SCAI: variants seen among roughly 807,000 people sequenced by gnomAD.
SCAI encodes the protein protein SCAI.
Under a neutral mutation model 92.2 loss-of-function variants are expected in SCAI, and 24 were observed. The observed-to-expected ratio is 0.26, with a 90% CI of 0.19 to 0.37. The LOEUF is 0.37. SCAI is among the 10% of genes least tolerant of loss of function. The pLI is 1.00. For missense variants in SCAI, 450 were observed against 736.2 expected, an observed-to-expected ratio of 0.61 and a Z score of 4.50; for synonymous variants, 261 against 258.6, an observed-to-expected ratio of 1.01 and a Z score of -0.09.
At position 125,015,063 on chromosome 9, in the gene SCAI, TA is replaced by T. The variant is rs574071279; in HGVS notation, c.861+3735del. 2.9e-3 allele frequency among the ~76,000 whole-genome samples: 449 copies of T among 152,236 alleles called. 3 individuals carry two copies. The highest frequency in any genetic ancestry group is 0.01 in the African/African-American group (423 of 41,526). ...GGATTAAAGACTTAAATGTTAGATC[TA>T]AAACCATAAAAACCCTAGAAGAAAA... On this transcript the variant is annotated intron_variant, in intron 9 of 17. Coordinates refer to ENST00000336505, the MANE Select transcript of SCAI (RefSeq NM_001144877.3).
intron 14 of SCAI, among the ~76,000 whole-genome samples, chr9:124,977,260 C>A (rs1044984900): frequency 2.6e-5 from 4 of 152,150 alleles, no homozygotes; most frequent in African/African-American, 4.8e-5. Context: ...AAAATAACCA[C>A]AGACTTTTTT....
At chr9:124,994,891 G>C (rs1239321223) in intron 14 of SCAI, 43 bp downstream of exon 14, 2 of 1,368,654 alleles carry the variant, frequency 1.5e-6, no homozygotes, top group Admixed American at 1.7e-5. Flanking sequence ...CCTTGGGTTG[G>C]TGCCACAATG....
Position 125,133,736 on chromosome 9 carries a change from C to CA in SCAI, c.98+8896dup, listed in dbSNP as rs199850055. 9.5e-3 allele frequency among the ~76,000 whole-genome samples: 1,423 copies of CA among 149,798 alleles called. 13 individuals are homozygous for CA. The highest frequency in any genetic ancestry group is 0.014 in the Middle Eastern group (4 of 294). Reference sequence around the variant, plus strand: ...CCAACTGTACCTCTACAGACCTGTTCAAAAAACAAAAAAAAAAGAAAGAAT... The same window carrying CA: ...CCAACTGTACCTCTACAGACCTGTTCAAAAAAACAAAAAAAAAAGAAAGAAT... On this transcript the variant is annotated intron_variant, in intron 2 of 17. Transcript: ENST00000336505.
At chr9:125,027,993 T>C (rs957392675) in intron 5 of SCAI, among the ~76,000 whole-genome samples, 10 of 152,220 alleles carry the variant, frequency 6.6e-5, no homozygotes, top group African/African-American at 2.2e-4. Context: ...TTCAAACATA[T>C]CCTGCAAGTA....
intron 3 of SCAI, among the ~76,000 whole-genome samples, chr9:125,051,180 G>A (rs980730649): frequency 5.9e-5 from 9 of 151,924 alleles, no homozygotes; most frequent in Non-Finnish European, 1.2e-4. Context: ...GTGCCACCAC[G>A]CCTGGCTAAT....
intron 2 of SCAI, among the ~76,000 whole-genome samples, chr9:125,062,474 G>A (rs1211557146): frequency 4.0e-5 from 6 of 151,262 alleles, no homozygotes; most frequent in Admixed American, 6.6e-5. Flanking sequence ...AAGCAGGCTG[G>A]GCGCAGTGGC....
At chr9:124,971,327 C>A (rs779648125) in intron 17 of SCAI, 43 bp downstream of exon 17, 15 of 1,122,628 alleles carry the variant, frequency 1.3e-5, no homozygotes, top group Non-Finnish European at 4.0e-6. Context: ...TTCTTAAATA[C>A]CTAAAATGAT....
chr9:125,013,543 T>C (rs1391717188), intron 9 of SCAI, among the ~76,000 whole-genome samples: 1 of 152,170 alleles, frequency 6.6e-6, no homozygotes, highest in African/African-American at 2.4e-5. Flanking sequence ...AATCAATAGC[T>C]TACCAACCAA....
At chr9:125,009,184 C>T (rs1032201680) in intron 9 of SCAI, among the ~76,000 whole-genome samples, 4 of 151,896 alleles carry the variant, frequency 2.6e-5, no homozygotes, top group African/African-American at 9.7e-5. Flanking sequence ...ATAGAAGAAG[C>T]AGGATTGGAA....
intron 2 of SCAI, among the ~76,000 whole-genome samples, chr9:125,125,909 T>TACACACACACACACACAC (rs10554292): frequency 2.2e-4 from 31 of 137,998 alleles, no homozygotes; most frequent in Admixed American, 2.9e-4. Context: ...TGCGTACACG[T>TACACACACACACACACAC]ACACACACAC....
chr9:124,976,221 G>GA (rs779500324), intron 14 of SCAI, 35 bp from the exon 15 acceptor site: 2 of 1,411,996 alleles, frequency 1.4e-6, no homozygotes, highest in Non-Finnish European at 2.0e-6. Flanking sequence ...TTGCATTAAA[G>GA]ATTTGACCAA....
intron 14 of SCAI, among the ~76,000 whole-genome samples, chr9:124,982,101 T>G (rs758137304): frequency 1.3e-5 from 2 of 152,242 alleles, no homozygotes; most frequent in Non-Finnish European, 2.9e-5. Flanking sequence ...GTGCTAATTT[T>G]GTCTGGAAAC....
intron 17 of SCAI, among the ~76,000 whole-genome samples, chr9:124,956,923 G>C (rs1345040326): frequency 6.6e-6 from 1 of 151,346 alleles, no homozygotes; most frequent in Non-Finnish European, 1.5e-5. Flanking sequence ...AAATTTTAAG[G>C]AACATGTAAA....
intron 3 of SCAI, among the ~76,000 whole-genome samples, chr9:125,035,713 A>G (rs910629402): frequency 6.6e-6 from 1 of 152,226 alleles, no homozygotes; most frequent in Non-Finnish European, 1.5e-5. Context: ...ACTATCATCT[A>G]TGATCAGCAT....
rs530621252 is a variant in SCAI at position 125,130,043 on chromosome 9, C to T, written c.98+12590G>A. 1.8e-4 allele frequency among the ~76,000 whole-genome samples: 27 copies of T among 151,742 alleles called. 1 individual carries two copies. In the South Asian group the frequency reaches 2.9e-3, roughly 16 times the overall value. ...CCACCCGAGTAGCTGGGATTATAGG[C>T]GCCCACCACCACGCCCAGCTAATTT... On this transcript the variant is annotated intron_variant, in intron 2 of 17. Transcript: ENST00000336505.
At chr9:125,087,214 A>G (rs1057421512) in intron 2 of SCAI, among the ~76,000 whole-genome samples, 6 of 152,234 alleles carry the variant, frequency 3.9e-5, no homozygotes, top group East Asian at 1.9e-4. Context: ...TAGCTAAATG[A>G]GCACACTTAG....
chr9:125,143,467 C>T lies in SCAI; in HGVS notation c.-30G>A, dbSNP rs905214949. On this transcript the variant is annotated 5_prime_UTR_variant, in exon 1 of 18. Transcript: ENST00000336505. ...CTCCTGCTCCGCCGCGGGAGCTGCT[C>T]CGGCGGCCGCAGGGCTCGCTCGGGA... is the stretch of plus-strand genomic sequence containing the variant. The T allele has an allele frequency of 4.9e-5, 66 of 1,337,984 alleles. 1 individual carries two copies. The highest frequency in any genetic ancestry group is 5.9e-5 in the Non-Finnish European group (62 of 1,044,120). 82.9% of individuals were successfully genotyped at this position (1,337,984 alleles called of 1,614,324 possible).
chr9:125,020,035 C>T (rs552229065), intron 7 of SCAI, among the ~76,000 whole-genome samples: 126 of 142,624 alleles, frequency 8.8e-4, no homozygotes, highest in African/African-American at 3.2e-3. Context: ...GATCATGCCA[C>T]TGTACTCCAG....
At chr9:125,059,849 G>A (rs1224408127) in intron 2 of SCAI, among the ~76,000 whole-genome samples, 2 of 152,142 alleles carry the variant, frequency 1.3e-5, no homozygotes, top group Admixed American at 6.6e-5. Flanking sequence ...CCGACCACAA[G>A]GAAATACTTG....
Sources: allele counts gnomAD v4.1 joint callset (sites outside exome capture counted in the v4.1 genomes callset), GRCh38; gene constraint gnomAD v4.1.1; transcripts MANE v1.5; gene names NCBI Gene and HGNC (gene_info 2026-07-23, HGNC 2026-07-21).